Variants in SLC17A6 observed in about 807,000 individuals in gnomAD.
SLC17A6 encodes the protein vesicular glutamate transporter 2.
A neutral mutation model predicts 67.1 loss-of-function variants in SLC17A6; 35 were observed. The observed-to-expected ratio is 0.52, with a 90% confidence interval of 0.40 to 0.69. The LOEUF (loss-of-function observed/expected upper bound fraction) is 0.69, where lower values mean the gene tolerates loss of function less well. Ranked by LOEUF, SLC17A6 falls within the 30% of genes least tolerant of loss-of-function variation. The pLI, the probability that SLC17A6 is intolerant of heterozygous loss-of-function variation, is 0.00. For missense variants in SLC17A6, 588 were observed against 723.9 expected (o/e 0.81, Z 2.15); for synonymous variants, 285 against 252.3 (o/e 1.13, Z -1.23).
intron 11 of SLC17A6, 66 bp downstream of exon 11, chr11:22,376,738 A>T: frequency 6.5e-7 from 1 of 1,550,266 alleles, no homozygotes; most frequent in Non-Finnish European, 8.9e-7. Flanking sequence ...TCTTTTTGGA[A>T]AAGAGTTAAA....
At chr11:22,369,047 G>T (rs947194655) in intron 7 of SLC17A6, among the ~76,000 whole-genome samples, 1 of 150,166 alleles carries the variant, frequency 6.7e-6, no homozygotes, top group Non-Finnish European at 1.5e-5. Flanking sequence ...TTAAATCCAC[G>T]TGAAAGGTGT....
chr11:22,339,910 A>G (rs1855794607), intron 1 of SLC17A6, among the ~76,000 whole-genome samples: 1 of 7,410 alleles, frequency 1.3e-4, no homozygotes, highest in African/African-American at 3.5e-3. Context: ...CAGGAAATGA[A>G]AAAAAAAAAC....
chr11:22,347,187 C>A (rs1200431784), intron 3 of SLC17A6, among the ~76,000 whole-genome samples: 1 of 151,426 alleles, frequency 6.6e-6, no homozygotes, highest in Admixed American at 6.6e-5. Context: ...GTACCTGACT[C>A]ATGATAAATA....
intron 1 of SLC17A6, among the ~76,000 whole-genome samples, chr11:22,340,731 T>A (rs1855805537): frequency 6.6e-6 from 1 of 152,110 alleles, no homozygotes; most frequent in Admixed American, 6.5e-5. Flanking sequence ...CCATATGCTG[T>A]GGAGCCCTTT....
rs1024926411 is a variant in SLC17A6, at chr11:22,346,053, G to A, written c.458+2688G>A. 9.2e-5 allele frequency among the ~76,000 whole-genome samples: 14 copies of A among 152,252 alleles called. 1 individual carries two copies. Among genetic ancestry groups the A allele is most frequent in the African/African-American group, 2.2e-4 (9 of 41,552 alleles). On this transcript the variant is annotated intron_variant, in intron 3 of 11. Transcript: ENST00000263160. ...ACAGCAAAACCAATCTTCCACTTAT[G>A]AGCATCATGTACCCATTCAAATAAG... is the stretch of plus-strand genomic sequence containing the variant.
At chr11:22,361,826 A>G (rs1856055485) in intron 5 of SLC17A6, among the ~76,000 whole-genome samples, 1 of 152,208 alleles carries the variant, frequency 6.6e-6, no homozygotes, top group Admixed American at 6.5e-5. Flanking sequence ...CAGTAAGGCA[A>G]GAGAGCAATT....
In SLC17A6 at chr11:22,375,989, C is replaced by CA. The variant is rs1206268814; in HGVS notation, c.1183dup (p.Met395AsnfsTer15). The CA allele has an allele frequency of 6.3e-7, 1 of 1,599,626 alleles. No individual in the cohort carries two copies. Among genetic ancestry groups the CA allele is most frequent in the Non-Finnish European group, 8.5e-7 (1 of 1,172,540 alleles). On this transcript the variant is annotated frameshift_variant, in exon 10 of 12. Coordinates refer to ENST00000263160, the MANE Select transcript of SLC17A6 (RefSeq NM_020346.3). LOFTEE classifies it high-confidence loss of function. ...ATGTGTTTGCTTCTGAAGGTTTTGG[C>CA]ATGGAAGCCACACTGCTCCTGGTCG...
At chr11:22,373,298 T>C (rs930893542) in intron 8 of SLC17A6, among the ~76,000 whole-genome samples, 3 of 152,172 alleles carry the variant, frequency 2.0e-5, no homozygotes, top group Non-Finnish European at 4.4e-5. Context: ...GCCAAAAATA[T>C]GCCATGTAAT....
chr11:22,343,135 A>T lies in SLC17A6; in HGVS notation c.340-112A>T, dbSNP rs1855836241. On this transcript the variant is annotated intron_variant, in intron 2 of 11. Transcript: ENST00000263160. ...AAATGAAGCCACTCTTATCCCCAGAATGCATGAAGCGCCCAAGCCTTGGGG... is the reference window on the plus strand; with the variant it reads ...AAATGAAGCCACTCTTATCCCCAGATTGCATGAAGCGCCCAAGCCTTGGGG... 7.0e-6 allele frequency: 6 copies of T among 855,502 alleles called. No homozygotes were observed. The South Asian group carries it at 8.5e-5, about 12-fold the overall frequency. The allele number at this position is 855,502 out of a possible 1,614,324, so 53.0% of individuals were successfully genotyped here.
chr11:22,343,491 CCT>C, intron 3 of SLC17A6, 126 bp downstream of exon 3: 1 of 682,490 alleles, frequency 1.5e-6, no homozygotes, highest in Non-Finnish European at 2.4e-6. Flanking sequence ...TCTTCTAGTC[CCT>C]TGACACACCC....
intron 7 of SLC17A6, among the ~76,000 whole-genome samples, chr11:22,369,501 A>G (rs1162977800): frequency 6.6e-6 from 1 of 152,018 alleles, no homozygotes; most frequent in Non-Finnish European, 1.5e-5. Context: ...ATAATTTATG[A>G]TTGATTGATA....
At position 22,359,485 on chromosome 11, in the gene SLC17A6, T is replaced by C; in HGVS notation, c.531T>C (p.Tyr177=). Residue 177 remains tyrosine (Y), a synonymous_variant, in exon 4 of 12, where the codon TAT becomes TAC. Transcript: ENST00000263160. ...TTCCATCAGCAGCCAGAGTGCATTA[T>C]GGATGTGTCATCTTTGTCAGAATAC... The part of the protein sequence containing the change: ...MLIPSAARVH[Y]GCVIFVRILQ... 1.2e-6 allele frequency: 2 copies of C among 1,608,454 alleles called. No individual in the cohort carries two copies. Among genetic ancestry groups the C allele is most frequent in the Middle Eastern group, 1.7e-4 (1 of 6,040 alleles).
intron 1 of SLC17A6, among the ~76,000 whole-genome samples, chr11:22,339,968 T>C (rs1439986493): frequency 6.6e-6 from 1 of 152,210 alleles, no homozygotes; most frequent in East Asian, 1.9e-4. Context: ...TTGCAATGTT[T>C]TCTAACATTG....
chr11:22,338,976 C>A (rs969514094), intron 1 of SLC17A6, among the ~76,000 whole-genome samples: 6 of 149,420 alleles, frequency 4.0e-5, no homozygotes, highest in African/African-American at 1.5e-4. Context: ...ATAGATACCC[C>A]GAATTAAATT....
At position 22,362,028 on chromosome 11, in the gene SLC17A6, T is replaced by G. The variant is rs1856058486; in HGVS notation, c.662-711T>G. 2.8e-5 allele frequency among the ~76,000 whole-genome samples: 4 copies of G among 143,918 alleles called. No homozygotes were observed. The Admixed American group carries it at 2.8e-4, about 10-fold the overall frequency. The allele number at this position is 143,918 out of a possible 152,430, so 94.4% of individuals were successfully genotyped here. A position where few individuals can be genotyped will look rare whatever the true frequency, so the allele number is the denominator to read the frequency against. Reference sequence around the variant, plus strand: ...CATTTCTGTCTATATGTCTAAGACCTTTTTTTTTTTACAATTGCCTTTAAT... The same window carrying G: ...CATTTCTGTCTATATGTCTAAGACCGTTTTTTTTTTACAATTGCCTTTAAT... On this transcript the variant is annotated intron_variant, in intron 5 of 11. Coordinates refer to ENST00000263160, the MANE Select transcript of SLC17A6 (RefSeq NM_020346.3).
chr11:22,359,259 T>G (rs1407542421), intron 3 of SLC17A6, among the ~76,000 whole-genome samples, 154 bp from the exon 4 acceptor site: 1 of 152,224 alleles, frequency 6.6e-6, no homozygotes, highest in Non-Finnish European at 1.5e-5. Flanking sequence ...GCTAGCCTGT[T>G]AAGTCCAGAA....
chr11:22,344,095 A>T (rs2133859240), intron 3 of SLC17A6, among the ~76,000 whole-genome samples: 1 of 152,258 alleles, frequency 6.6e-6, no homozygotes, highest in East Asian at 1.9e-4. Context: ...GGCCACCAGA[A>T]GGTGAGGGGC....
chr11:22,339,790 G>T (rs1274601644), intron 1 of SLC17A6, among the ~76,000 whole-genome samples: 1 of 152,142 alleles, frequency 6.6e-6, no homozygotes, highest in East Asian at 1.9e-4. Flanking sequence ...AGTAGATACC[G>T]CAAGGGCCCT....
Position 22,370,143 on chromosome 11 carries a change from T to C in SLC17A6, c.996T>C (p.Ser332=), listed in dbSNP as rs773662855. ...RSWTFYLLLI[S]QPAYFEEVFG... ...GGACTTTTTATTTATTGCTTATTAG[T>C]CAGCCAGCATATTTTGAGGAAGTCT... Residue 332 remains serine (S), a synonymous_variant, in exon 8 of 12, where the codon AGT becomes AGC. Coordinates refer to ENST00000263160, the MANE Select transcript of SLC17A6 (RefSeq NM_020346.3). 7 of 1,611,408 alleles carry C rather than the reference T, an allele frequency of 4.3e-6. No homozygotes were observed. The African/African-American group carries it at 9.4e-5, about 22-fold the overall frequency.
Sources: gnomAD v4.1 joint callset for allele counts (sites outside exome capture counted in the v4.1 genomes callset) on GRCh38, gnomAD v4.1.1 for gene constraint, MANE v1.5 for transcripts, NCBI Gene and HGNC (gene_info 2026-07-23, HGNC 2026-07-21) for gene names.